PRDM16: variants seen among roughly 807,000 people sequenced by gnomAD.
PRDM16 encodes PR/SET domain 16.
A neutral mutation model predicts 110.6 loss-of-function variants in PRDM16; 23 were observed. That is an observed-to-expected ratio of 0.21 (90% CI 0.15 to 0.29). The LOEUF is 0.29. PRDM16 is among the 10% of genes least tolerant of loss of function. The probability of loss-of-function intolerance (pLI) is 1.00; values close to 1 mark genes in which losing one functional copy is unlikely to be tolerated. For synonymous variants in PRDM16, 799 were observed against 781.8 expected (o/e 1.02, Z -0.37); for missense variants, 1,615 against 1,794.3 (o/e 0.90, Z 1.81).
rs1345056502 is a variant in PRDM16 at position 3,208,659 on chromosome 1, C to A, written c.387+22185C>A. 1 of 145,680 alleles carries A rather than the reference C, an allele frequency of 6.9e-6. No homozygotes were observed. Among genetic ancestry groups the A allele is most frequent in the Non-Finnish European group, 1.5e-5 (1 of 67,260 alleles). The allele number at this position is 145,680 out of a possible 1,614,324, so 9.0% of individuals were successfully genotyped here. A position where few individuals can be genotyped will look rare whatever the true frequency, so the allele number is the denominator to read the frequency against. ...CCAACCTGGTGACAGAGCAAGACTC[C>A]GTCTCAAAAAAAAAAAAAAGAAAAG... On this transcript the variant is annotated intron_variant, in intron 2 of 16. Coordinates refer to ENST00000270722, the MANE Select transcript of PRDM16 (RefSeq NM_022114.4). This position sits in a 1 kb window ranked among gnomAD's most constrained non-coding sequence, Gnocchi z 6.1.
intron 5 of PRDM16, among the ~76,000 whole-genome samples, chr1:3,397,481 G>A (rs1470473368): frequency 1.3e-5 from 2 of 152,226 alleles, no homozygotes; most frequent in Non-Finnish European, 2.9e-5. Context: ...GTTCCCCTAC[G>A]GGGTCCTGGA....
At chr1:3,405,174 G>C (rs1057044037) in intron 7 of PRDM16, among the ~76,000 whole-genome samples, 2 of 152,194 alleles carry the variant, frequency 1.3e-5, no homozygotes, top group African/African-American at 4.8e-5. Context: ...GAGGCTGGCG[G>C]GGCTGAGCCG....
chr1:3,341,318 C>A (rs1642267457), intron 3 of PRDM16, among the ~76,000 whole-genome samples: 1 of 152,210 alleles, frequency 6.6e-6, no homozygotes, highest in Admixed American at 6.5e-5. Flanking sequence ...GCTCACCTGT[C>A]CTCCTTCAGA....
intron 3 of PRDM16, among the ~76,000 whole-genome samples, chr1:3,267,964 A>G (rs1640334407): frequency 6.7e-6 from 1 of 149,482 alleles, no homozygotes; most frequent in Non-Finnish European, 1.5e-5. Context: ...TTGTTGTGAC[A>G]GGGGGTGGAT....
At chr1:3,198,868 G>A (rs1034056809) in intron 2 of PRDM16, among the ~76,000 whole-genome samples, 1 of 152,080 alleles carries the variant, frequency 6.6e-6, no homozygotes, top group East Asian at 1.9e-4. Flanking sequence ...AAATACCTAC[G>A]TCCACTCCGT....
chr1:3,075,217 A>G (rs909381961), intron 1 of PRDM16, among the ~76,000 whole-genome samples: 1 of 152,268 alleles, frequency 6.6e-6, no homozygotes, highest in African/African-American at 2.4e-5. Context: ...GCAGAAAAGG[A>G]GGGAAGTCAG....
At position 3,155,750 on chromosome 1, in the gene PRDM16, G is replaced by T. The variant is rs553996367; in HGVS notation, c.38-30375G>T. On this transcript the variant is annotated intron_variant, in intron 1 of 16. Coordinates refer to ENST00000270722, the MANE Select transcript of PRDM16 (RefSeq NM_022114.4). The stretch of plus-strand genomic sequence containing the variant: ...CTTTTATTCAAATAAAATCTAGGTG[G>T]TTGCAAGGCTTCGGGGATTCAGTGA... 5.3e-4 allele frequency among the ~76,000 whole-genome samples: 80 copies of T among 152,342 alleles called. 2 individuals carry two copies. The South Asian group carries it at 0.016, about 30-fold the overall frequency.
At chr1:3,422,707 A>G (rs763075825) in intron 12 of PRDM16, among the ~76,000 whole-genome samples, 1 of 152,154 alleles carries the variant, frequency 6.6e-6, no homozygotes, top group African/African-American at 2.4e-5. Flanking sequence ...GCACCCAAGC[A>G]TCTCCAACCC....
intron 1 of PRDM16, among the ~76,000 whole-genome samples, chr1:3,070,726 C>T (rs1460793806): frequency 3.3e-5 from 5 of 152,166 alleles, no homozygotes; most frequent in African/African-American, 7.2e-5. Context: ...GCTCCGCTCC[C>T]TCGGCTCGGG....
At chr1:3,317,655 A>G (rs767510888) in intron 3 of PRDM16, among the ~76,000 whole-genome samples, 1 of 152,032 alleles carries the variant, frequency 6.6e-6, no homozygotes, top group African/African-American at 2.4e-5. Context: ...TCCAGACACA[A>G]CCGCTCCTGG....
At chr1:3,273,188 T>C (rs1038923795) in intron 3 of PRDM16, among the ~76,000 whole-genome samples, 1 of 152,190 alleles carries the variant, frequency 6.6e-6, no homozygotes, top group African/African-American at 2.4e-5. Flanking sequence ...AGCAGGTTTT[T>C]ACCCAGCTCT....
chr1:3,192,587 G>A (rs7539775), intron 2 of PRDM16, among the ~76,000 whole-genome samples: 90,494 of 151,942 alleles, frequency 0.6, 29,902 homozygotes, highest in Non-Finnish European at 0.74. Context: ...CTTGGTGCTG[G>A]TGTAGGAGCT....
chr1:3,126,515 C>T (rs1643212470), intron 1 of PRDM16, among the ~76,000 whole-genome samples: 1 of 152,214 alleles, frequency 6.6e-6, no homozygotes, highest in Admixed American at 6.5e-5. Context: ...TGGACCCAGA[C>T]CCTGCTGCGG....
At chr1:3,186,956 C>A (rs1457099061) in intron 2 of PRDM16, among the ~76,000 whole-genome samples, 2 of 152,254 alleles carry the variant, frequency 1.3e-5, no homozygotes, top group Non-Finnish European at 2.9e-5. Flanking sequence ...TAAGAGCAGC[C>A]TCAGCTTCTC....
chr1:3,277,739 ACG>A (rs1219102929), intron 3 of PRDM16, among the ~76,000 whole-genome samples: 2 of 147,354 alleles, frequency 1.4e-5, no homozygotes, highest in African/African-American at 5.0e-5. Flanking sequence ...GCGCGCACAC[ACG>A]CACACGCACA....
In PRDM16 at chr1:3,094,710, C is replaced by T. The variant is rs142495910; in HGVS notation, c.37+25414C>T. On this transcript the variant is annotated intron_variant, in intron 1 of 16. Transcript: ENST00000270722. ...GAACACGCAGACATTCTGTGAGCAC[C>T]GGCCCAGCAAGCAGTGTCAGTGGCT... Among the ~76,000 whole-genome samples, 635 of 152,356 alleles carry T rather than the reference C, an allele frequency of 4.2e-3. 4 individuals carry two copies. Among genetic ancestry groups the T allele is most frequent in the African/African-American group, 0.014 (572 of 41,590 alleles).
At chr1:3,269,956 C>T (rs1640398589) in intron 3 of PRDM16, among the ~76,000 whole-genome samples, 1 of 143,746 alleles carries the variant, frequency 7.0e-6, no homozygotes, top group East Asian at 3.1e-4. Context: ...AGGAGGAGGA[C>T]AGTCAGAAGG....
At chr1:3,381,698 A>G (rs1185688829) in intron 3 of PRDM16, among the ~76,000 whole-genome samples, 1 of 151,936 alleles carries the variant, frequency 6.6e-6, no homozygotes, top group Non-Finnish European at 1.5e-5. Context: ...AGAGGCCAAC[A>G]CTCTTGAGTC....
At chr1:3,179,195 G>A (rs940379809) in intron 1 of PRDM16, among the ~76,000 whole-genome samples, 3 of 152,270 alleles carry the variant, frequency 2.0e-5, no homozygotes, top group Admixed American at 1.3e-4. Flanking sequence ...TGTGGGGAAT[G>A]TGTAGCCGAT....
Sources: allele counts gnomAD v4.1 joint callset (sites outside exome capture counted in the v4.1 genomes callset), GRCh38; gene constraint gnomAD v4.1.1; non-coding constraint Gnocchi (gnomAD v3.1); transcripts MANE v1.5; gene names NCBI Gene and HGNC (gene_info 2026-07-23, HGNC 2026-07-21).